CXXC5: variants seen among roughly 807,000 people sequenced by gnomAD.
The protein encoded by CXXC5 is CXXC-type zinc finger protein 5.
In CXXC5, 2 loss-of-function variants were observed where a neutral mutation model predicts 17.6. That is an observed-to-expected ratio of 0.11 (90% CI 0.05 to 0.36). The LOEUF is 0.36. CXXC5 is among the 10% of genes least tolerant of loss of function. The pLI is 1.00. For missense variants in CXXC5, 343 were observed against 458.3 expected (o/e 0.75, Z 2.30); for synonymous variants, 171 against 193.0 (o/e 0.89, Z 0.94).
chr5:139,650,401 C>T (rs1165843088), intron 1 of CXXC5, among the ~76,000 whole-genome samples: 1 of 152,142 alleles, frequency 6.6e-6, no homozygotes, highest in East Asian at 1.9e-4. Flanking sequence ...TGGGCCCTGT[C>T]CCCCCCACCC....
At chr5:139,652,286 C>A (rs1755255476) in intron 1 of CXXC5, among the ~76,000 whole-genome samples, 1 of 151,940 alleles carries the variant, frequency 6.6e-6, no homozygotes, top group Non-Finnish European at 1.5e-5. Flanking sequence ...CCACAAAAAG[C>A]CTCCCCCGTT....
intron 1 of CXXC5, among the ~76,000 whole-genome samples, chr5:139,676,407 G>A (rs1222269849): frequency 1.0e-4 from 1 of 9,750 alleles, no homozygotes; most frequent in African/African-American, 5.9e-4. Flanking sequence ...GGCCTCCTCC[G>A]CAGATTCCTC....
intron 1 of CXXC5, among the ~76,000 whole-genome samples, chr5:139,675,921 G>A (rs1047895459): frequency 2.0e-5 from 3 of 152,036 alleles, no homozygotes; most frequent in Non-Finnish European, 4.4e-5. Flanking sequence ...GCTAGAAGGG[G>A]GCAGGCTCCG....
chr5:139,657,656 T>C (rs1474156981), intron 1 of CXXC5, among the ~76,000 whole-genome samples: 1 of 152,076 alleles, frequency 6.6e-6, no homozygotes, highest in Non-Finnish European at 1.5e-5. Flanking sequence ...GCCAAGCCAG[T>C]GGGGCGGGTC....
At position 139,681,198 on chromosome 5, in the gene CXXC5, G is replaced by A. The variant is rs750431013; in HGVS notation, c.675G>A (p.Pro225=). Residue 225 remains proline (P), a synonymous_variant, in exon 2 of 3, where the codon CCG becomes CCA. Coordinates refer to ENST00000302517, the MANE Select transcript of CXXC5 (RefSeq NM_016463.9). ...PINPGLFIMT[P]AGVFLAESAL... ...ACCCAGGCCTCTTCATTATGACCCC[G>A]GCAGGTGTGTTCCTGGCCGAGAGCG... is the stretch of plus-strand genomic sequence containing the variant. The A allele has an allele frequency of 1.3e-4, 207 of 1,612,728 alleles. No individual in the cohort carries two copies. Among genetic ancestry groups the A allele is most frequent in the Non-Finnish European group, 1.6e-4 (191 of 1,179,934 alleles).
At chr5:139,660,390 G>A (rs1414392730) in intron 1 of CXXC5, among the ~76,000 whole-genome samples, 1 of 152,218 alleles carries the variant, frequency 6.6e-6, no homozygotes, top group Non-Finnish European at 1.5e-5. Flanking sequence ...TCCGGCCAGG[G>A]CAGATTGGAG....
chr5:139,680,048 T>G, intron 1 of CXXC5: 1 of 171,904 alleles, frequency 5.8e-6, no homozygotes, highest in Non-Finnish European at 1.2e-5. Context: ...GCAGAGCAGA[T>G]TTGGGCTGTG....
In CXXC5 at chr5:139,680,863, C is replaced by G. The variant is rs1333589954; in HGVS notation, c.340C>G (p.Leu114Val). Residue 114 changes from leucine to valine, a missense_variant, in exon 2 of 3, where the codon CTG becomes GTG. Physicochemically the swap from Leu to Val is conservative, Grantham distance 32 (BLOSUM62 1). Around this residue, in one of 4 missense-constraint regions of CXXC5, gnomAD observed 297 missense variants for 363.4 expected, o/e 0.82. Transcript: ENST00000302517. The stretch of plus-strand genomic sequence containing the variant: ...CACTGCGGCTGCAGCCGCTGCCTCC[C>G]TGTTGGCCAATGGGCATGACCTGGC... ...KATAAAAAAS[L>V]LANGHDLAAA... The G allele has an allele frequency of 6.2e-7, 1 of 1,609,696 alleles. No homozygotes were observed. Among genetic ancestry groups the G allele is most frequent in the South Asian group, 1.1e-5 (1 of 91,082 alleles).
intron 1 of CXXC5, among the ~76,000 whole-genome samples, chr5:139,660,078 G>T (rs1348955982): frequency 6.6e-6 from 1 of 152,248 alleles, no homozygotes; most frequent in East Asian, 1.9e-4. Flanking sequence ...CTGCCTCCCA[G>T]CCTGTGGAAC....
Position 139,670,255 on chromosome 5 carries a change from C to A in CXXC5, c.-160-10109C>A, listed in dbSNP as rs531908790. Among the ~76,000 whole-genome samples, 2 of 152,340 alleles carry A rather than the reference C, an allele frequency of 1.3e-5. No homozygotes were observed. Among genetic ancestry groups the A allele is most frequent in the South Asian group, 4.1e-4 (2 of 4,826 alleles). ...CTGCGGTCTGGGGGCTTTTGTTTTCCAGTTTTTTCCACGCTCAGGCCAGGC... is the reference window on the plus strand; with the variant it reads ...CTGCGGTCTGGGGGCTTTTGTTTTCAAGTTTTTTCCACGCTCAGGCCAGGC... On this transcript the variant is annotated intron_variant, in intron 1 of 2. Transcript: ENST00000302517. The surrounding 1 kb of genome is among the most constrained non-coding windows in gnomAD (Gnocchi z 4.2).
chr5:139,680,267 G>A lies in CXXC5; in HGVS notation c.-160-97G>A, dbSNP rs1757103078. The A allele has an allele frequency of 9.0e-6, 5 of 555,986 alleles. No individual in the cohort carries two copies. In the South Asian group the frequency reaches 9.3e-5, roughly 10 times the overall value. The allele number at this position is 555,986 out of a possible 1,614,324, so 34.4% of individuals were successfully genotyped here. ...TAATAAATGCCTGGTCAAGCACATG[G>A]TGGTCAGGATGACAGGACCGTTGAT... On this transcript the variant is annotated intron_variant, in intron 1 of 2. Transcript: ENST00000302517.
In CXXC5 at chr5:139,682,787, G is replaced by A. The variant is rs1232859916; in HGVS notation, c.925-76G>A. On this transcript the variant is annotated intron_variant, in intron 2 of 2. Transcript: ENST00000302517. ...TCCCTCCGCCATGAGGCCATCCATG[G>A]GGGAACGTCTTTGCTCCAGGCCTAC... 2.8e-6 allele frequency: 4 copies of A among 1,432,640 alleles called. No homozygotes were observed. The African/African-American group carries it at 5.8e-5, about 21-fold the overall frequency. The allele number at this position is 1,432,640 out of a possible 1,614,324, so 88.7% of individuals were successfully genotyped here.
intron 1 of CXXC5, among the ~76,000 whole-genome samples, chr5:139,666,944 A>C (rs1756145108): frequency 6.6e-6 from 1 of 152,198 alleles, no homozygotes; most frequent in Admixed American, 6.5e-5. Context: ...GCCCTGCTCC[A>C]ACGGAGTCAG....
At chr5:139,671,958 C>T (rs1386658994) in intron 1 of CXXC5, among the ~76,000 whole-genome samples, 1 of 152,214 alleles carries the variant, frequency 6.6e-6, no homozygotes, top group Non-Finnish European at 1.5e-5. Flanking sequence ...GGCTTTATGT[C>T]CCTGAGCCTC....
At chr5:139,659,816 C>T (rs1755686723) in intron 1 of CXXC5, among the ~76,000 whole-genome samples, 1 of 152,210 alleles carries the variant, frequency 6.6e-6, no homozygotes, top group African/African-American at 2.4e-5. Context: ...AGGCTGGTCC[C>T]TCCTGCCCTT....
Position 139,668,348 on chromosome 5 carries a change from C to T in CXXC5, c.-160-12016C>T, listed in dbSNP as rs1230317990. Among the ~76,000 whole-genome samples the T allele has an allele frequency of 6.6e-6, 1 of 152,054 alleles. No individual in the cohort carries two copies. The highest frequency in any genetic ancestry group is 6.6e-5 in the Admixed American group (1 of 15,260). On this transcript the variant is annotated intron_variant, in intron 1 of 2. Transcript: ENST00000302517. The surrounding 1 kb of genome is among the most constrained non-coding windows in gnomAD (Gnocchi z 4.1). ...TCCCGCCGCGGCTCAGGGCGCCTCC[C>T]GGCTCCCTGCCGCCTCCCAGCCGGA...
intron 1 of CXXC5, among the ~76,000 whole-genome samples, chr5:139,655,498 C>G (rs1280630401): frequency 1.3e-5 from 2 of 150,396 alleles, no homozygotes; most frequent in African/African-American, 4.9e-5. Flanking sequence ...CCTCTGCCTT[C>G]TCCTAACTGT....
intron 1 of CXXC5, among the ~76,000 whole-genome samples, chr5:139,652,468 G>A (rs1755267550): frequency 6.6e-6 from 1 of 151,980 alleles, no homozygotes; most frequent in South Asian, 2.1e-4. Context: ...GCCCCCTAAA[G>A]CCAGAGGCAG....
At chr5:139,666,627 A>G (rs1247919783) in intron 1 of CXXC5, among the ~76,000 whole-genome samples, 1 of 152,220 alleles carries the variant, frequency 6.6e-6, no homozygotes, top group Non-Finnish European at 1.5e-5. Context: ...CTCCTGAGCT[A>G]TGTGGCCTTG....
Sources: allele counts gnomAD v4.1 joint callset (sites outside exome capture counted in the v4.1 genomes callset), GRCh38; gene constraint gnomAD v4.1.1; regional missense constraint gnomAD v4.1.1; non-coding constraint Gnocchi (gnomAD v3.1); transcripts MANE v1.5; gene names NCBI Gene and HGNC (gene_info 2026-07-23, HGNC 2026-07-21).